SP6: variants seen among roughly 807,000 people sequenced by gnomAD.
SP6 encodes the protein Sp6 transcription factor, also known as transcription factor Sp6.
SP6 carries 10 observed loss-of-function variants against 23.4 expected under a neutral mutation model. The ratio of observed to expected loss-of-function variants is 0.43; its 90% CI spans 0.26 to 0.72. The LOEUF (loss-of-function observed/expected upper bound fraction) is 0.72, where lower values mean the gene tolerates loss of function less well. Ranked by LOEUF, SP6 falls within the 30% of genes least tolerant of loss-of-function variation. SP6 has a pLI of 0.23. For missense variants in SP6, 482 were observed against 523.8 expected (o/e 0.92, Z 0.78); for synonymous variants, 238 against 238.7 (o/e 1.00, Z 0.03).
chr17:47,847,752 G>T lies in SP6; in HGVS notation c.678C>A (p.Thr226=), dbSNP rs761469460. 1.9e-5 allele frequency: 30 copies of T among 1,579,446 alleles called. No individual in the cohort carries two copies. In the African/African-American group the frequency reaches 4.0e-4, roughly 21 times the overall value. The change falls in exon 2 of 2, where the codon ACC becomes ACA. Residue 226 remains threonine (T), a synonymous_variant. Coordinates refer to ENST00000536300, the MANE Select transcript of SP6 (RefSeq NM_001258248.2). ...CCAGACAGTTGGGGCAGCGACAGAC[G>T]GTCTGGCCTGAGCTGCGGGGCACCG... ...RRSVPRSSGQ[T]VCRCPNCLEA...
rs560593328 is a variant in SP6 at position 47,850,006 on chromosome 17, G to A, written c.-58+913C>T. 4.2e-4 allele frequency among the ~76,000 whole-genome samples: 64 copies of A among 152,284 alleles called. 1 individual carries two copies. The highest frequency in any genetic ancestry group is 2.6e-4 in the Admixed American group (4 of 15,296). ...CTGGGAGAGGGAGGGAGAGGAGGAC[G>A]GGGGCACCTACTCAGGCTCCGGCTG... On this transcript the variant is annotated intron_variant, in intron 1 of 1. Transcript: ENST00000536300.
chr17:47,853,378 T>C (rs116743826), upstream of SP6, among the ~76,000 whole-genome samples: 37 of 152,302 alleles, frequency 2.4e-4, no homozygotes, highest in African/African-American at 4.8e-4. Flanking sequence ...CACAGCTACC[T>C]CTGGAATGGA....
upstream of SP6, chr17:47,851,298 G>A (rs2143655746): frequency 6.6e-6 from 1 of 152,388 alleles, no homozygotes; most frequent in East Asian, 1.9e-4. Context: ...GGGTGGGCGG[G>A]AGTGGGGGAG....
At chr17:47,866,924 G>C in the SP6 span, among the ~76,000 whole-genome samples, 1 of 152,272 alleles carries the variant, frequency 6.6e-6, no homozygotes, top group South Asian at 2.1e-4. Flanking sequence ...GAGGTGAGCA[G>C]AGGGCAGGGC....
At chr17:47,870,653 A>T in the SP6 span, among the ~76,000 whole-genome samples, 3 of 152,080 alleles carry the variant, frequency 2.0e-5, no homozygotes, top group African/African-American at 7.2e-5. Flanking sequence ...ACTGCAAAGA[A>T]CTTCACCACC....
Position 47,847,603 on chromosome 17 carries a change from C to A in SP6, c.827G>T (p.Arg276Leu), listed in dbSNP as rs1247321706. 6.2e-7 allele frequency: 1 copy of A among 1,613,638 alleles called. No homozygotes were observed. The highest frequency in any genetic ancestry group is 8.5e-7 in the Non-Finnish European group (1 of 1,179,948). The change falls in exon 2 of 2, where the codon CGC becomes CTC. Residue 276 changes from arginine (R) to leucine (L), a missense_variant. By Grantham distance (102) the Arg-to-Leu change is moderately radical. Transcript: ENST00000536300. ...GAAGGGACGGTCGCCGCTGTGCCAGCGCAGGTGCGCCTTCAGGTGCGACGT... is the reference window on the plus strand; with the variant it reads ...GAAGGGACGGTCGCCGCTGTGCCAGAGCAGGTGCGCCTTCAGGTGCGACGT... ...AKTSHLKAHL[R>L]WHSGDRPFVC...
At chr17:47,869,644 T>C in the SP6 span, among the ~76,000 whole-genome samples, 1 of 152,286 alleles carries the variant, frequency 6.6e-6, no homozygotes, top group South Asian at 2.1e-4. Flanking sequence ...TCTCACCTAC[T>C]TGAAGGTCAA....
rs2033880934 is a variant in SP6, at chr17:47,845,957, G to A, written c.*1342C>T. 6.6e-6 allele frequency: 1 copy of A among 152,078 alleles called. No homozygotes were observed. Among genetic ancestry groups the A allele is most frequent in the Non-Finnish European group, 1.5e-5 (1 of 68,028 alleles). The allele number at this position is 152,078 out of a possible 1,614,324, so 9.4% of individuals were successfully genotyped here. The stretch of plus-strand genomic sequence containing the variant: ...CCTCTGCCTGGCTCAGCTTCTGCTG[G>A]GCTTCTCCCCTCCCTCCTTTCCTCT... On this transcript the variant is annotated 3_prime_UTR_variant, in exon 2 of 2. Coordinates refer to ENST00000536300, the MANE Select transcript of SP6 (RefSeq NM_001258248.2).
upstream of SP6, among the ~76,000 whole-genome samples, chr17:47,855,224 A>G (rs1336248130): frequency 6.6e-6 from 1 of 152,172 alleles, no homozygotes; most frequent in East Asian, 1.9e-4. Context: ...TGTACATATT[A>G]TGCCTGTGTG....
At chr17:47,866,891 G>T in the SP6 span, among the ~76,000 whole-genome samples, 1 of 152,176 alleles carries the variant, frequency 6.6e-6, no homozygotes. Flanking sequence ...TCTGAAAGTG[G>T]CTGGGAGGGA....
chr17:47,854,218 G>A (rs766804148), upstream of SP6, among the ~76,000 whole-genome samples: 5 of 152,176 alleles, frequency 3.3e-5, no homozygotes, highest in Non-Finnish European at 5.9e-5. Context: ...CTTTGTACCT[G>A]GAGAAATCTC....
rs374703577 is a variant in SP6 at position 47,847,988 on chromosome 17, G to A, written c.442C>T (p.Leu148Phe). Reference protein sequence around the residue: ...ALTSPGHPGALQAGLGGYVGD... With the variant: ...ALTSPGHPGAFQAGLGGYVGD... ...ACGTAGCCCCCCAAGCCCGCCTGAA[G>A]CGCCCCCGGGTGGCCAGGTGAGGTC... Residue 148 changes from leucine to phenylalanine, a missense_variant, in exon 2 of 2, where the codon CTT becomes TTT. Around this residue, in one of 3 missense-constraint regions of SP6, gnomAD observed 330 missense variants for 332.3 expected, o/e 0.99. Coordinates refer to ENST00000536300, the MANE Select transcript of SP6 (RefSeq NM_001258248.2). 69 of 1,594,314 alleles carry A rather than the reference G, an allele frequency of 4.3e-5. No individual in the cohort carries two copies. Among genetic ancestry groups the A allele is most frequent in the Non-Finnish European group, 5.5e-5 (64 of 1,170,360 alleles).
At position 47,848,077 on chromosome 17, in the gene SP6, C is replaced by G; in HGVS notation, c.353G>C (p.Gly118Ala). The change falls in exon 2 of 2, where the codon GGC becomes GCC. Residue 118 changes from glycine (G) to alanine (A), a missense_variant. Transcript: ENST00000536300. The surrounding 1 kb of genome is among the most constrained non-coding windows in gnomAD (Gnocchi z 5.3). ...FRPTHPGAED[G>A]SWWDLHPGTS... is the part of the protein sequence containing the mutation. ...GCCCGGATGAAGGTCCCACCACGAG[C>G]CATCCTCCGCGCCTGGGTGAGTCGG... The G allele has an allele frequency of 6.2e-7, 1 of 1,613,416 alleles. No individual in the cohort carries two copies. The highest frequency in any genetic ancestry group is 8.5e-7 in the Non-Finnish European group (1 of 1,179,936).
upstream of SP6, among the ~76,000 whole-genome samples, chr17:47,852,005 C>CGGG (rs538017791): frequency 2.4e-4 from 37 of 152,074 alleles, 1 homozygote; most frequent in South Asian, 7.3e-3. Flanking sequence ...TCCTGTCCTT[C>CGGG]GGGAAATGCT....
At chr17:47,865,363 C>T in the SP6 span, among the ~76,000 whole-genome samples, 3 of 152,084 alleles carry the variant, frequency 2.0e-5, no homozygotes, top group African/African-American at 7.2e-5. Flanking sequence ...GAAACGGCGC[C>T]GTGTCCCCCT....
chr17:47,850,089 G>T (rs185681561), intron 1 of SP6, among the ~76,000 whole-genome samples: 1 of 152,302 alleles, frequency 6.6e-6, no homozygotes, highest in African/African-American at 2.4e-5. Flanking sequence ...AGGCCGGGGT[G>T]GGGCAGCACA....
At chr17:47,870,475 C>T in the SP6 span, among the ~76,000 whole-genome samples, 2 of 152,092 alleles carry the variant, frequency 1.3e-5, no homozygotes, top group African/African-American at 2.4e-5. Context: ...CATTGATTTC[C>T]CCTCCTGCCA....
the SP6 span, among the ~76,000 whole-genome samples, chr17:47,868,831 G>A: frequency 6.6e-6 from 1 of 152,200 alleles, no homozygotes; most frequent in East Asian, 1.9e-4. Context: ...GGGGGAAGAA[G>A]GAGGGGGCTG....
rs1325929104 is a variant in SP6 at position 47,847,208 on chromosome 17, C to T, written c.*91G>A. On this transcript the variant is annotated 3_prime_UTR_variant, in exon 2 of 2. Transcript: ENST00000536300. Reference sequence around the variant, plus strand: ...TCCCTGAATAAATACGCACCTTCCCCTCTTCCTCAAGCCACCCCCAAGGAC... The same window carrying T: ...TCCCTGAATAAATACGCACCTTCCCTTCTTCCTCAAGCCACCCCCAAGGAC... 1.1e-5 allele frequency: 15 copies of T among 1,326,638 alleles called. No homozygotes were observed. The Admixed American group carries it at 1.7e-4, about 15-fold the overall frequency. 82.2% of individuals were successfully genotyped at this position (1,326,638 alleles called of 1,614,324 possible).
Sources: allele counts gnomAD v4.1 joint callset (sites outside exome capture counted in the v4.1 genomes callset), GRCh38; gene constraint gnomAD v4.1.1; regional missense constraint gnomAD v4.1.1; non-coding constraint Gnocchi (gnomAD v3.1); transcripts MANE v1.5; gene names NCBI Gene and HGNC (gene_info 2026-07-23, HGNC 2026-07-21).